Variants in ERG observed in about 807,000 individuals in gnomAD.
ERG encodes the protein transcriptional regulator ERG.
Under a neutral mutation model 55.3 loss-of-function variants are expected in ERG, and 9 were observed. The ratio of observed to expected loss-of-function variants is 0.16; its 90% CI spans 0.10 to 0.28. The LOEUF (loss-of-function observed/expected upper bound fraction) is 0.28, where lower values mean the gene tolerates loss of function less well. ERG is among the 10% of genes least tolerant of loss of function. ERG has a pLI of 1.00. For missense variants in ERG, 434 were observed against 631.6 expected (o/e 0.69, Z 3.35); for synonymous variants, 223 against 237.3 (o/e 0.94, Z 0.55).
chr21:38,392,092 A>G (rs1987996854), intron 7 of ERG, among the ~76,000 whole-genome samples: 1 of 152,230 alleles, frequency 6.6e-6, no homozygotes. Context: ...AGATTCAGGA[A>G]AACACCGATT....
chr21:38,584,288 G>A (rs2060048862), intron 1 of ERG, among the ~76,000 whole-genome samples: 1 of 152,210 alleles, frequency 6.6e-6, no homozygotes, highest in Non-Finnish European at 1.5e-5. Flanking sequence ...ATGCCTTAGA[G>A]AGAGGGAGCT....
intron 6 of ERG, chr21:38,395,229 C>T (rs138360840): frequency 2.2e-5 from 5 of 228,342 alleles, no homozygotes; most frequent in African/African-American, 1.1e-4. Flanking sequence ...TAAGTATCCC[C>T]CTGTGGGATA....
At chr21:38,633,795 G>A (rs970164496) in intron 1 of ERG, among the ~76,000 whole-genome samples, 10 of 151,852 alleles carry the variant, frequency 6.6e-5, no homozygotes, top group African/African-American at 2.4e-4. Context: ...AATTTGAAGT[G>A]CCGAATTATT....
intron 1 of ERG, among the ~76,000 whole-genome samples, chr21:38,651,725 C>G (rs926159224): frequency 7.9e-5 from 12 of 152,136 alleles, no homozygotes; most frequent in African/African-American, 2.9e-4. Context: ...TCTGCCTCCA[C>G]GTCACTCGCT....
intron 1 of ERG, among the ~76,000 whole-genome samples, chr21:38,623,334 C>T (rs2060305605): frequency 6.6e-6 from 1 of 151,866 alleles, no homozygotes; most frequent in Admixed American, 6.6e-5. Flanking sequence ...CACACACACA[C>T]ACACACACAC....
intron 2 of ERG, among the ~76,000 whole-genome samples, chr21:38,523,855 C>T (rs1407349450): frequency 6.6e-6 from 1 of 152,162 alleles, no homozygotes; most frequent in Non-Finnish European, 1.5e-5. Context: ...CACTCTCCTC[C>T]GTATGTCTCC....
At chr21:38,630,639 A>G (rs554208348) in intron 1 of ERG, among the ~76,000 whole-genome samples, 1 of 152,336 alleles carries the variant, frequency 6.6e-6, no homozygotes, top group Admixed American at 6.5e-5. Context: ...CCATCTTTTC[A>G]GCTAACATTG....
intron 1 of ERG, among the ~76,000 whole-genome samples, chr21:38,482,192 A>G (rs2059244336): frequency 6.6e-6 from 1 of 152,210 alleles, no homozygotes; most frequent in Admixed American, 6.5e-5. Flanking sequence ...TGACCTTCCC[A>G]AACATAGGGA....
At chr21:38,576,955 C>T (rs1413133427) in intron 1 of ERG, among the ~76,000 whole-genome samples, 1 of 152,198 alleles carries the variant, frequency 6.6e-6, no homozygotes. Context: ...CAGATCTCAG[C>T]CAAGCCATCA....
chr21:38,612,330 AAAGT>A (rs370713766), intron 1 of ERG, among the ~76,000 whole-genome samples: 1 of 152,190 alleles, frequency 6.6e-6, no homozygotes, highest in Non-Finnish European at 1.5e-5. Context: ...TTTTAGAAAT[AAAGT>A]AATAGGATTA....
intron 1 of ERG, chr21:38,451,046 A>C (rs1440501332): frequency 1.4e-5 from 6 of 431,046 alleles, no homozygotes; most frequent in Non-Finnish European, 2.8e-5. Flanking sequence ...GGAAGGAAGA[A>C]GTTGGATTAA....
intron 2 of ERG, among the ~76,000 whole-genome samples, chr21:38,558,719 C>T (rs1036958714): frequency 3.3e-5 from 5 of 152,042 alleles, no homozygotes; most frequent in African/African-American, 9.7e-5. Flanking sequence ...GAAATCTCCC[C>T]GATTTACTTA....
rs185090311 is a variant in ERG, at chr21:38,542,224, G to A, written c.-41+33438C>T. Among the ~76,000 whole-genome samples the A allele has an allele frequency of 1.3e-3, 193 of 152,124 alleles. 2 individuals carry two copies. The highest frequency in any genetic ancestry group is 1.6e-3 in the Non-Finnish European group (108 of 67,986). ...AGGCTGGTCTCGAACTCCTGACCTC[G>A]TGATCCACCCGCCTCAGCCTCCCAA... On this transcript the variant is annotated intron_variant, in intron 2 of 8. Transcript: ENST00000398897.
Position 38,383,434 on chromosome 21 carries a change from T to G in ERG, c.1409A>C (p.His470Pro). ...IYPNTRLPTS[H>P]MPSHLGTYY ...GTAAGTGCCCAGATGAGAAGGCATA[T>G]GGCTGGTGGGGAGCCTAGTGTTGGG... The change falls in exon 10 of 10, where the codon CAT becomes CCT. Residue 470 changes from histidine (H) to proline (P), a missense_variant. By Grantham distance (77) the His-to-Pro change is moderately conservative (BLOSUM62 -2). This residue lies in a region of ERG where 107 missense variants were observed against 126.8 expected (regional missense o/e 0.84). Transcript: ENST00000288319. This position sits in a 1 kb window ranked among gnomAD's most constrained non-coding sequence, Gnocchi z 5.7. The G allele has an allele frequency of 6.6e-7, 1 of 1,514,020 alleles. No homozygotes were observed. The highest frequency in any genetic ancestry group is 8.8e-7 in the Non-Finnish European group (1 of 1,131,230). 93.8% of individuals were successfully genotyped at this position (1,514,020 alleles called of 1,614,324 possible).
intron 1 of ERG, among the ~76,000 whole-genome samples, chr21:38,492,726 C>A (rs959000543): frequency 4.6e-5 from 7 of 152,044 alleles, no homozygotes; most frequent in South Asian, 2.1e-4. Context: ...AGATGGGAAT[C>A]GATGTGAAAT....
Position 38,572,570 on chromosome 21 carries a change from A to G in ERG, c.-41+3092T>C, listed in dbSNP as rs187639847. Among the ~76,000 whole-genome samples the G allele has an allele frequency of 6.8e-4, 103 of 152,176 alleles. 1 individual carries two copies. Among genetic ancestry groups the G allele is most frequent in the African/African-American group, 2.2e-3 (93 of 41,510 alleles). ...TCATATGCAGAAAAAAGAATTACAA[A>G]AATAATTATTCGAATTCTAATTGGT... On this transcript the variant is annotated intron_variant, in intron 2 of 8. Coordinates refer to the ERG transcript ENST00000398897.
At chr21:38,475,943 T>C (rs1181578318) in intron 1 of ERG, among the ~76,000 whole-genome samples, 1 of 152,236 alleles carries the variant, frequency 6.6e-6, no homozygotes, top group Non-Finnish European at 1.5e-5. Flanking sequence ...ATTGCCTTTC[T>C]GCCATTTCTT....
chr21:38,391,486 C>T (rs913262822), intron 8 of ERG, among the ~76,000 whole-genome samples, 173 bp downstream of exon 8: 6 of 152,206 alleles, frequency 3.9e-5, no homozygotes, highest in Admixed American at 2.0e-4. Flanking sequence ...TTAGCACCAT[C>T]TCAAGTCACC....
chr21:38,375,741 C>T (rs989848605), downstream of ERG, among the ~76,000 whole-genome samples: 3 of 152,112 alleles, frequency 2.0e-5, no homozygotes, highest in Non-Finnish European at 2.9e-5. Flanking sequence ...GGCTTGATTG[C>T]GCATCACTTG....
Sources: gnomAD v4.1 joint callset for allele counts (sites outside exome capture counted in the v4.1 genomes callset) on GRCh38, gnomAD v4.1.1 for gene constraint, gnomAD v4.1.1 regional missense constraint, Gnocchi (gnomAD v3.1) non-coding constraint, MANE v1.5 for transcripts, NCBI Gene and HGNC (gene_info 2026-07-23, HGNC 2026-07-21) for gene names.